The following UNC13C variants were observed in gnomAD, a reference collection of about 807,000 sequenced individuals.
UNC13C encodes protein unc-13 homolog C.
In UNC13C, 174 loss-of-function variants were observed where a neutral mutation model predicts 245.4. That is an observed-to-expected ratio of 0.71 (90% CI 0.63 to 0.80). The LOEUF (loss-of-function observed/expected upper bound fraction) is 0.80, where lower values mean the gene tolerates loss of function less well. UNC13C is among the 30% of genes least tolerant of loss of function. The pLI is 0.00. For synonymous variants in UNC13C, 992 were observed against 895.1 expected, an observed-to-expected ratio of 1.11 and a Z score of -1.93; for missense variants, 2,829 against 2,602.9, an observed-to-expected ratio of 1.09 and a Z score of -1.89.
chr15:54,526,277 C>T (rs74016649), intron 25 of UNC13C, among the ~76,000 whole-genome samples: 14,373 of 152,058 alleles, frequency 0.095, 1,859 homozygotes, highest in African/African-American at 0.29. Context: ...CACTTCAGTT[C>T]TGTAGGAAAA....
intron 2 of UNC13C, among the ~76,000 whole-genome samples, chr15:54,053,220 T>G (rs914398032): frequency 1.5e-4 from 23 of 152,060 alleles, no homozygotes; most frequent in African/African-American, 5.6e-4. Flanking sequence ...TTAGTAGACA[T>G]CTGGTTTCAC....
intron 17 of UNC13C, among the ~76,000 whole-genome samples, chr15:54,338,847 T>C (rs938276308): frequency 6.6e-6 from 1 of 152,136 alleles, no homozygotes; most frequent in Non-Finnish European, 1.5e-5. Context: ...TAACTCATAC[T>C]GCCTCCCATA....
intron 4 of UNC13C, among the ~76,000 whole-genome samples, chr15:54,183,253 A>G (rs1299170901): frequency 1.3e-5 from 2 of 151,714 alleles, no homozygotes; most frequent in Admixed American, 1.3e-4. Context: ...GTTGAGTTTA[A>G]GAAAAACATT....
intron 19 of UNC13C, among the ~76,000 whole-genome samples, chr15:54,470,433 C>A (rs759236563): frequency 1.3e-5 from 2 of 151,414 alleles, no homozygotes; most frequent in African/African-American, 2.4e-5. Flanking sequence ...TCTTTATTGG[C>A]CTACTCAGAT....
intron 30 of UNC13C, among the ~76,000 whole-genome samples, chr15:54,596,334 T>C (rs1333645309): frequency 6.6e-6 from 1 of 152,204 alleles, no homozygotes; most frequent in Non-Finnish European, 1.5e-5. Context: ...AGATAACTAA[T>C]TTCCCGCAAG....
chr15:54,058,626 T>G (rs1371929173), intron 2 of UNC13C, among the ~76,000 whole-genome samples: 1 of 152,100 alleles, frequency 6.6e-6, no homozygotes, highest in Non-Finnish European at 1.5e-5. Context: ...CCAGCATCAT[T>G]CTGATACCAA....
chr15:54,298,141 C>A (rs1460229767), intron 12 of UNC13C, among the ~76,000 whole-genome samples: 1 of 152,006 alleles, frequency 6.6e-6, no homozygotes, highest in Non-Finnish European at 1.5e-5. Context: ...TTAGAACAAG[C>A]CTGTGAGGCA....
chr15:53,974,338 C>T (rs555880217), upstream of UNC13C, among the ~76,000 whole-genome samples: 3 of 152,240 alleles, frequency 2.0e-5, no homozygotes, highest in East Asian at 1.9e-4. Context: ...GGACTCAACC[C>T]GTGTCCTTAG....
chr15:54,097,876 A>C (rs1007490288), intron 2 of UNC13C, among the ~76,000 whole-genome samples: 1 of 152,190 alleles, frequency 6.6e-6, no homozygotes, highest in Non-Finnish European at 1.5e-5. Flanking sequence ...TGGGAACAAC[A>C]CTCATTTATA....
chr15:54,405,535 A>G (rs909561259), intron 18 of UNC13C, among the ~76,000 whole-genome samples: 12 of 152,276 alleles, frequency 7.9e-5, no homozygotes, highest in African/African-American at 2.6e-4. Flanking sequence ...AGCGAATAAA[A>G]AATTTAGTGT....
chr15:54,527,919 G>A (rs1283905422), intron 25 of UNC13C, among the ~76,000 whole-genome samples: 3 of 151,960 alleles, frequency 2.0e-5, no homozygotes, highest in African/African-American at 7.3e-5. Flanking sequence ...ATACTGTCAG[G>A]GTAGAAAAGT....
At chr15:54,260,475 AC>A (rs2036394200) in intron 8 of UNC13C, among the ~76,000 whole-genome samples, 1 of 151,594 alleles carries the variant, frequency 6.6e-6, no homozygotes, top group African/African-American at 2.4e-5. Context: ...AAAGGAAAGA[AC>A]TGAGAAGAAG....
In UNC13C at chr15:54,345,971, C is replaced by T. The variant is rs564164450; in HGVS notation, c.4713+7482C>T. Among the ~76,000 whole-genome samples the T allele has an allele frequency of 1.2e-4, 18 of 152,282 alleles. No homozygotes were observed. The South Asian group carries it at 2.3e-3, about 19-fold the overall frequency. On this transcript the variant is annotated intron_variant, in intron 17 of 32. Coordinates refer to ENST00000260323, the MANE Select transcript of UNC13C (RefSeq NM_001080534.3). ...CCAAACTTCCCTCCAAACAGCTAAC[C>T]GCAGCTCAGCTAACTTTTTCTTCAG...
At chr15:54,038,307 T>G (rs1462538337) in intron 2 of UNC13C, among the ~76,000 whole-genome samples, 5 of 151,072 alleles carry the variant, frequency 3.3e-5, no homozygotes, top group African/African-American at 9.8e-5. Context: ...AATTTTTGTA[T>G]TTTTAGTAGA....
chr15:54,121,893 CATT>C (rs1308828739), intron 2 of UNC13C, among the ~76,000 whole-genome samples: 2 of 151,768 alleles, frequency 1.3e-5, no homozygotes, highest in African/African-American at 4.8e-5. Context: ...ATAATATAAT[CATT>C]ATGTTATTGT....
chr15:53,974,219 G>C (rs1893629142), upstream of UNC13C, among the ~76,000 whole-genome samples: 3 of 152,274 alleles, frequency 2.0e-5, 1 homozygote, highest in South Asian at 6.2e-4. Context: ...CACTATTGTT[G>C]GAATATATAG....
intron 4 of UNC13C, among the ~76,000 whole-genome samples, chr15:54,181,968 TA>T (rs1464420324): frequency 6.6e-6 from 1 of 152,028 alleles, no homozygotes; most frequent in African/African-American, 2.4e-5. Flanking sequence ...TATATGATCA[TA>T]TTTTCCATGA....
chr15:53,934,840 G>C, the UNC13C span, among the ~76,000 whole-genome samples: 2 of 152,118 alleles, frequency 1.3e-5, no homozygotes, highest in Non-Finnish European at 2.9e-5. Context: ...GTCTCTGGGA[G>C]CCTCTTTTAA....
chr15:54,005,269 G>A (rs997880407), intron 1 of UNC13C, among the ~76,000 whole-genome samples: 6 of 152,250 alleles, frequency 3.9e-5, no homozygotes, highest in South Asian at 4.1e-4. Flanking sequence ...TTGAGTAGGG[G>A]AGTTCTTCAA....
Sources: gnomAD v4.1 joint callset for allele counts (sites outside exome capture counted in the v4.1 genomes callset) on GRCh38, gnomAD v4.1.1 for gene constraint, MANE v1.5 for transcripts, NCBI Gene and HGNC (gene_info 2026-07-23, HGNC 2026-07-21) for gene names.